MPHOSPH8: variants seen among roughly 807,000 people sequenced by gnomAD.
The protein encoded by MPHOSPH8 is M-phase phosphoprotein 8, also known as M-phase phosphoprotein, mpp.
MPHOSPH8 carries 45 observed loss-of-function variants against 87.3 expected under a neutral mutation model. That is an observed-to-expected ratio of 0.52 (90% CI 0.41 to 0.66). The LOEUF (loss-of-function observed/expected upper bound fraction) is 0.66. MPHOSPH8 is among the 30% of genes least tolerant of loss of function. MPHOSPH8 has a pLI of 0.00. For synonymous variants in MPHOSPH8, 366 were observed against 376.9 expected (o/e 0.97, Z 0.33); for missense variants, 883 against 1,020.2 (o/e 0.87, Z 1.83).
chr13:19,659,005 G>A lies in MPHOSPH8; in HGVS notation c.1587G>A (p.Gln529=), dbSNP rs1456611491. ...CQADENSDGR[Q]QILSLGMDLQ... ...TATTGTGTGTTCCAGATGGCAGGCA[G>A]CAGATTCTGAGTTTGGGCATGGACC... The change falls in exon 6 of 14, where the codon CAG becomes CAA. Residue 529 remains glutamine, a synonymous_variant. Transcript: ENST00000361479. 2 of 1,613,142 alleles carry A rather than the reference G, an allele frequency of 1.2e-6. No individual in the cohort carries two copies. Among genetic ancestry groups the A allele is most frequent in the South Asian group, 2.2e-5 (2 of 90,616 alleles).
chr13:19,663,114 T>TG lies in MPHOSPH8; in HGVS notation c.2008dup (p.Ala670GlyfsTer7). On this transcript the variant is annotated frameshift_variant, in exon 9 of 14. Transcript: ENST00000361479. LOFTEE classifies it high-confidence loss of function. ...ATGTCCAGCAAAGCAATGGTGAGAC[T>TG]GCACTGATGAAGGTAAATCCCTCCT... is the stretch of plus-strand genomic sequence containing the variant. 6.2e-7 allele frequency: 1 copy of TG among 1,613,370 alleles called. No homozygotes were observed. The highest frequency in any genetic ancestry group is 8.5e-7 in the Non-Finnish European group (1 of 1,179,222).
intron 5 of MPHOSPH8, among the ~76,000 whole-genome samples, chr13:19,653,047 C>A (rs1193667467): frequency 6.6e-6 from 1 of 152,158 alleles, no homozygotes; most frequent in Non-Finnish European, 1.5e-5. Flanking sequence ...CTGAAGAGAG[C>A]AGTGGATCTC....
chr13:19,647,089 A>G lies in MPHOSPH8; in HGVS notation c.1016A>G (p.Glu339Gly), dbSNP rs1248442612. 1 of 1,610,516 alleles carries G rather than the reference A, an allele frequency of 6.2e-7. No homozygotes were observed. Among genetic ancestry groups the G allele is most frequent in the Non-Finnish European group, 8.5e-7 (1 of 1,179,186 alleles). The change falls in exon 3 of 14, where the codon GAG (glutamate) becomes GGG (glycine). Residue 339 changes from glutamate (E) to glycine (G), a missense_variant. By Grantham distance (98) the Glu-to-Gly change is moderately conservative. Transcript: ENST00000361479. ...RRKKKTPRKAEDTRENRKLEN... is the reference protein window; with the variant it reads ...RRKKKTPRKAGDTRENRKLEN... ...AAAAAGAAGACCCCGAGAAAGGCTGAGGACACTAGAGAGAACAGGAAGCTA... is the reference window on the plus strand; with the variant it reads ...AAAAAGAAGACCCCGAGAAAGGCTGGGGACACTAGAGAGAACAGGAAGCTA...
intron 1 of MPHOSPH8, among the ~76,000 whole-genome samples, chr13:19,641,789 C>T (rs1198782997): frequency 6.6e-6 from 1 of 151,980 alleles, no homozygotes; most frequent in Admixed American, 6.6e-5. Context: ...AGCCACTGCG[C>T]CTGGCCCATA....
rs1337658727 is a variant in MPHOSPH8 at position 19,670,278 on chromosome 13, G to C, written c.2372G>C (p.Gly791Ala). The C allele has an allele frequency of 3.1e-6, 5 of 1,613,998 alleles. No individual in the cohort carries two copies. Among genetic ancestry groups the C allele is most frequent in the Non-Finnish European group, 4.2e-6 (5 of 1,179,972 alleles). ...TTTATCTTCCATGCAAACTTTTTGG[G>C]TAAAGAAGTTATTGCTCGGCTCTGT... ...LLFIFHANFL[G>A]KEVIARLCGP... is the part of the protein sequence containing the mutation. Residue 791 changes from glycine to alanine, a missense_variant, in exon 12 of 14, where the codon GGT becomes GCT. Physicochemically the swap from Gly to Ala is moderately conservative, Grantham distance 60. Around this residue, in one of 3 missense-constraint regions of MPHOSPH8, gnomAD observed 741 missense variants for 841.5 expected, o/e 0.88. Transcript: ENST00000361479.
intron 8 of MPHOSPH8, among the ~76,000 whole-genome samples, chr13:19,662,057 C>T (rs993201948): frequency 7.9e-5 from 12 of 151,946 alleles, no homozygotes; most frequent in African/African-American, 2.9e-4. Context: ...GCCTCAGCCT[C>T]CTGAGTAGCT....
rs45461394 is a variant in MPHOSPH8, at chr13:19,646,847, C to G, written c.774C>G (p.Val258=). 1.2e-5 allele frequency: 19 copies of G among 1,601,288 alleles called. No homozygotes were observed. Among genetic ancestry groups the G allele is most frequent in the Admixed American group, 1.8e-5 (1 of 56,174 alleles). Residue 258 remains valine, a synonymous_variant, in exon 3 of 14, where the codon GTC becomes GTG. Coordinates refer to ENST00000361479, the MANE Select transcript of MPHOSPH8 (RefSeq NM_017520.4). ...ENRKTKKEKF[V]ESQVESESSV... ...GAAAAACAAAAAAAGAAAAATTTGT[C>G]GAATCCCAGGTGGAATCTGAATCAA...
chr13:19,643,759 C>G (rs1462887688), intron 2 of MPHOSPH8, among the ~76,000 whole-genome samples: 1 of 152,120 alleles, frequency 6.6e-6, no homozygotes, highest in East Asian at 1.9e-4. Context: ...ATACCAGCCC[C>G]TGTGTCCTGG....
chr13:19,668,249 G>A, intron 10 of MPHOSPH8, 128 bp from the exon 11 acceptor site: 1 of 731,630 alleles, frequency 1.4e-6, no homozygotes, highest in Non-Finnish European at 2.2e-6. Flanking sequence ...AGTAGAGCTG[G>A]AAAGCGGAGG....
At chr13:19,658,473 G>GT (rs1565940545) in intron 5 of MPHOSPH8, among the ~76,000 whole-genome samples, 9 of 7,736 alleles carry the variant, frequency 1.2e-3, no homozygotes, top group Non-Finnish European at 1.2e-3. Flanking sequence ...AATACCTCAC[G>GT]GGGGTGGGTG....
At chr13:19,657,000 T>C (rs758134530) in intron 5 of MPHOSPH8, among the ~76,000 whole-genome samples, 10 of 149,254 alleles carry the variant, frequency 6.7e-5, no homozygotes, top group Non-Finnish European at 1.0e-4. Flanking sequence ...CATACGCCTG[T>C]GGTCCCAGCT....
At chr13:19,652,185 T>C (rs1874888023) in intron 5 of MPHOSPH8, among the ~76,000 whole-genome samples, 1 of 152,154 alleles carries the variant, frequency 6.6e-6, no homozygotes, top group Non-Finnish European at 1.5e-5. Context: ...CTCAGCGAGA[T>C]TGACACAGAA....
rs899487832 is a variant in MPHOSPH8, at chr13:19,670,243, C to G, written c.2337C>G (p.Gly779=). 2 of 1,614,000 alleles carry G rather than the reference C, an allele frequency of 1.2e-6. No individual in the cohort carries two copies. The highest frequency in any genetic ancestry group is 1.7e-6 in the Non-Finnish European group (2 of 1,179,980). Residue 779 remains glycine (G), a synonymous_variant, in exon 12 of 14, where the codon GGC becomes GGG. Transcript: ENST00000361479. ...CACATCTCCCATTTTCAGGCTCTGG[C>G]ATCCTGCTGTTTATCTTCCATGCAA... ...KPPQNIPEGS[G]ILLFIFHANF...
intron 7 of MPHOSPH8, among the ~76,000 whole-genome samples, chr13:19,660,362 T>C (rs1875459838): frequency 6.6e-6 from 1 of 152,148 alleles, no homozygotes; most frequent in South Asian, 2.1e-4. Flanking sequence ...TTTTTAGTTT[T>C]AGGCAATCAT....
intron 2 of MPHOSPH8, among the ~76,000 whole-genome samples, chr13:19,644,743 T>TA (rs1385627385): frequency 6.6e-6 from 1 of 152,228 alleles, no homozygotes; most frequent in African/African-American, 2.4e-5. Context: ...CAGTTGCAGA[T>TA]TCCTTAGTGC....
At position 19,671,852 on chromosome 13, in the gene MPHOSPH8, G is replaced by A. The variant is rs779516247; in HGVS notation, c.2560G>A (p.Ala854Thr). 2.5e-6 allele frequency: 4 copies of A among 1,614,020 alleles called. No individual in the cohort carries two copies. The highest frequency in any genetic ancestry group is 3.4e-6 in the Non-Finnish European group (4 of 1,180,000). Residue 854 changes from alanine (A) to threonine (T), a missense_variant, in exon 14 of 14, where the codon GCA becomes ACA. Coordinates refer to ENST00000361479, the MANE Select transcript of MPHOSPH8 (RefSeq NM_017520.4). ...PSAKVKLLIGAYRVQLQ is the reference protein window; with the variant it reads ...PSAKVKLLIGTYRVQLQ Reference sequence around the variant, plus strand: ...TCAACAGGTTAAGTTGCTAATAGGTGCATACAGAGTGCAGCTGCAGTGACC... The same window carrying A: ...TCAACAGGTTAAGTTGCTAATAGGTACATACAGAGTGCAGCTGCAGTGACC...
chr13:19,641,037 A>G (rs935182828), intron 1 of MPHOSPH8, among the ~76,000 whole-genome samples: 1 of 152,226 alleles, frequency 6.6e-6, no homozygotes, highest in African/African-American at 2.4e-5. Context: ...GGTTCTTCCT[A>G]TCTTTTCTAT....
chr13:19,658,946 T>C, intron 5 of MPHOSPH8, 49 bp from the exon 6 acceptor site: 1 of 1,586,258 alleles, frequency 6.3e-7, no homozygotes, highest in Non-Finnish European at 8.6e-7. Flanking sequence ...ATTGTGGGTT[T>C]TTTATACTTC....
chr13:19,665,924 C>T (rs1291026203), intron 9 of MPHOSPH8, among the ~76,000 whole-genome samples: 3 of 152,128 alleles, frequency 2.0e-5, no homozygotes, highest in Admixed American at 6.5e-5. Context: ...TCCTTTAAAG[C>T]GGCAGCTGGG....
Sources: gnomAD v4.1 joint callset for allele counts (sites outside exome capture counted in the v4.1 genomes callset) on GRCh38, gnomAD v4.1.1 for gene constraint, gnomAD v4.1.1 regional missense constraint, MANE v1.5 for transcripts, NCBI Gene and HGNC (gene_info 2026-07-23, HGNC 2026-07-21) for gene names.